Variants in PCDHGB2 observed in about 807,000 individuals in gnomAD.
PCDHGB2 encodes protocadherin gamma-B2.
Under a neutral mutation model 59.3 loss-of-function variants are expected in PCDHGB2, and 55 were observed. The ratio of observed to expected loss-of-function variants is 0.93; its 90% confidence interval spans 0.75 to 1.16. The LOEUF (loss-of-function observed/expected upper bound fraction) is 1.16. Among genes scored for constraint, PCDHGB2 ranks in the 50% most tolerant of loss-of-function variants. The pLI, the probability that PCDHGB2 is intolerant of heterozygous loss-of-function variation, is 0.00. For synonymous variants in PCDHGB2, 516 were observed against 512.0 expected, an observed-to-expected ratio of 1.01 and a Z score of -0.11; for missense variants, 1,228 against 1,198.5, an observed-to-expected ratio of 1.02 and a Z score of -0.36.
At position 141,486,811 on chromosome 5, in the gene PCDHGB2, C is replaced by A. The variant is rs2099635196; in HGVS notation, c.2422-7996C>A. On this transcript the variant is annotated intron_variant, in intron 1 of 3. Coordinates refer to ENST00000522605, the MANE Select transcript of PCDHGB2 (RefSeq NM_018923.3). The surrounding 1 kb of genome is among the most constrained non-coding windows in gnomAD (Gnocchi z 5.0). ...GGGATCGGGGCAACCCACCCCTTAG[C>A]AGCACTGTAACAGTTCGTCTATTTG... The A allele has an allele frequency of 1.2e-6, 2 of 1,614,124 alleles. No homozygotes were observed. The highest frequency in any genetic ancestry group is 2.2e-5 in the East Asian group (1 of 44,900).
chr5:141,415,890 C>A lies in PCDHGB2; in HGVS notation c.2421+53334C>A, dbSNP rs2095969500. The A allele has an allele frequency of 9.7e-6, 9 of 931,410 alleles. No homozygotes were observed. In the South Asian group the frequency reaches 2.3e-4, roughly 24 times the overall value. 57.7% of individuals were successfully genotyped at this position (931,410 alleles called of 1,614,324 possible). On this transcript the variant is annotated intron_variant, in intron 1 of 3. Coordinates refer to ENST00000522605, the MANE Select transcript of PCDHGB2 (RefSeq NM_018923.3). Reference sequence around the variant, plus strand: ...GTTGTTGAGTACAATATTGACAATTCCTAAGACAGACTTCCATACAGAAGT... The same window carrying A: ...GTTGTTGAGTACAATATTGACAATTACTAAGACAGACTTCCATACAGAAGT...
intron 1 of PCDHGB2, chr5:141,384,679 G>T: frequency 6.2e-7 from 1 of 1,614,216 alleles, no homozygotes; most frequent in Non-Finnish European, 8.5e-7. Context: ...GGTGGTGGCG[G>T]TGGACAAAGA....
intron 1 of PCDHGB2, among the ~76,000 whole-genome samples, chr5:141,483,302 C>G (rs1262756268): frequency 2.0e-5 from 3 of 152,012 alleles, no homozygotes; most frequent in Admixed American, 6.5e-5. Context: ...AGTGAAGGGA[C>G]TGGGGACATT....
chr5:141,496,533 G>A (rs2099769399), intron 2 of PCDHGB2, among the ~76,000 whole-genome samples: 2 of 152,176 alleles, frequency 1.3e-5, no homozygotes, highest in Admixed American at 1.3e-4. Context: ...GTGTATGGCA[G>A]AGATTCCAGC....
rs750310317 is a variant in PCDHGB2 at position 141,385,220 on chromosome 5, A to G, written c.2421+22664A>G. 8 of 1,614,172 alleles carry G rather than the reference A, an allele frequency of 5.0e-6. No homozygotes were observed. The South Asian group carries it at 7.7e-5, about 16-fold the overall frequency. ...AGTCACCTGATCTTCCCCCAGCCCA[A>G]CTATGTAGACATGCTCATCAGCCAG... On this transcript the variant is annotated intron_variant, in intron 1 of 3. Transcript: ENST00000522605.
chr5:141,366,393 A>T, intron 1 of PCDHGB2: 3 of 1,614,122 alleles, frequency 1.9e-6, no homozygotes, highest in Non-Finnish European at 8.5e-7. Flanking sequence ...GAGGATCTGG[A>T]CCTCACACTC....
intron 1 of PCDHGB2, chr5:141,410,537 A>G (rs772317770): frequency 1.1e-5 from 17 of 1,613,760 alleles, no homozygotes; most frequent in African/African-American, 1.3e-5. Flanking sequence ...CAATGAAGAC[A>G]TGGTTTGCAG....
At chr5:141,371,738 C>A (rs765693064) in intron 1 of PCDHGB2, 9 of 1,613,934 alleles carry the variant, frequency 5.6e-6, no homozygotes, top group African/African-American at 1.3e-5. Context: ...TCAACGACAA[C>A]GTTCCCGTTT....
At chr5:141,404,063 G>A in intron 1 of PCDHGB2, 1 of 1,613,798 alleles carries the variant, frequency 6.2e-7, no homozygotes, top group Non-Finnish European at 8.5e-7. Context: ...TCTTTTCAAT[G>A]CTCATGACCG....
intron 1 of PCDHGB2, chr5:141,413,489 G>A (rs937434384): frequency 1.9e-6 from 3 of 1,614,036 alleles, no homozygotes; most frequent in Admixed American, 1.7e-5. Context: ...CAGAGCGCGC[G>A]GTGCGTGGTG....
chr5:141,386,228 G>A (rs2090502520), intron 1 of PCDHGB2, among the ~76,000 whole-genome samples: 1 of 152,100 alleles, frequency 6.6e-6, no homozygotes, highest in Non-Finnish European at 1.5e-5. Context: ...TAGGTCTACT[G>A]AAAAATTCAG....
At chr5:141,372,454 A>C in intron 1 of PCDHGB2, 1 of 1,613,990 alleles carries the variant, frequency 6.2e-7, no homozygotes. Context: ...CCTCAGGCGG[A>C]GCTACAGTTT....
chr5:141,394,868 C>A, intron 1 of PCDHGB2: 1 of 1,613,828 alleles, frequency 6.2e-7, no homozygotes, highest in Non-Finnish European at 8.5e-7. Flanking sequence ...TCGACCCGAA[C>A]GATTCGAGCC....
chr5:141,415,740 G>GTTTTTTTTTTTTTTTTTTTTT (rs57426385), intron 1 of PCDHGB2: 5 of 625,024 alleles, frequency 8.0e-6, no homozygotes, highest in Non-Finnish European at 8.5e-6. Flanking sequence ...GTTTATTAAG[G>GTTTTTTTTTTTTTTTTTTTTT]TTTTTTTTTT....
intron 1 of PCDHGB2, chr5:141,383,263 G>C: frequency 1.9e-6 from 3 of 1,613,926 alleles, no homozygotes; most frequent in Non-Finnish European, 2.5e-6. Context: ...TATAGACGTG[G>C]AAATAATAGA....
chr5:141,400,426 G>A (rs1346018954), intron 1 of PCDHGB2: 1 of 1,614,060 alleles, frequency 6.2e-7, no homozygotes, highest in Non-Finnish European at 8.5e-7. Flanking sequence ...AAAATGTAGT[G>A]AGCAATTGAG....
chr5:141,392,783 G>T, intron 1 of PCDHGB2: 1 of 1,542,922 alleles, frequency 6.5e-7, no homozygotes, highest in Admixed American at 2.1e-5. Flanking sequence ...GCACAGTGAA[G>T]ATTCTGAGAG....
chr5:141,360,951 C>T lies in PCDHGB2; in HGVS notation c.816C>T (p.Gly272=), dbSNP rs1413574595. 2 of 1,613,942 alleles carry T rather than the reference C, an allele frequency of 1.2e-6. No homozygotes were observed. The highest frequency in any genetic ancestry group is 1.7e-5 in the Admixed American group (1 of 60,014). Residue 272 remains glycine (G), a synonymous_variant, in exon 1 of 4, where the codon GGC becomes GGT. Transcript: ENST00000522605. ...TGACAGCCACCGACCGGGATGAAGG[C>T]ATAAACGCAGAGATCACCTACTCCT... ...LQVTATDRDE[G]INAEITYSFH...
chr5:141,426,451 C>T (rs561567196), intron 1 of PCDHGB2: 1 of 308,946 alleles, frequency 3.2e-6, no homozygotes, highest in Non-Finnish European at 6.4e-6. Flanking sequence ...GGACATGCGG[C>T]TGCATGTTCA....
Sources: gnomAD v4.1 joint callset for allele counts (sites outside exome capture counted in the v4.1 genomes callset) on GRCh38, gnomAD v4.1.1 for gene constraint, Gnocchi (gnomAD v3.1) non-coding constraint, MANE v1.5 for transcripts, NCBI Gene and HGNC (gene_info 2026-07-23, HGNC 2026-07-21) for gene names.